ECE1: variants seen among roughly 807,000 people sequenced by gnomAD.
The protein encoded by ECE1 is endothelin-converting enzyme 1.
In ECE1, 35 loss-of-function variants were observed where a neutral mutation model predicts 98.6. The ratio of observed to expected loss-of-function variants is 0.35; its 90% CI spans 0.27 to 0.47. ECE1 has a LOEUF of 0.47. Among genes scored for constraint, ECE1 ranks in the 20% least tolerant of loss-of-function variants. ECE1 has a pLI of 1.00. For missense variants in ECE1, 814 were observed against 1,025.3 expected, an observed-to-expected ratio of 0.79 and a Z score of 2.81; for synonymous variants, 394 against 407.1, an observed-to-expected ratio of 0.97 and a Z score of 0.39.
At chr1:21,228,839 A>C (rs1023013922) in intron 14 of ECE1, among the ~76,000 whole-genome samples, 2 of 125,606 alleles carry the variant, frequency 1.6e-5, no homozygotes, top group African/African-American at 6.1e-5. Flanking sequence ...ACCACTGAAG[A>C]GTATCTTTTT....
chr1:21,333,626 A>C (rs898579440), intron 1 of ECE1, among the ~76,000 whole-genome samples: 4 of 152,168 alleles, frequency 2.6e-5, no homozygotes, highest in Non-Finnish European at 4.4e-5. Flanking sequence ...TGAGGTCAGG[A>C]GTTCGAGACC....
chr1:21,280,955 G>A (rs1184451589), intron 2 of ECE1, among the ~76,000 whole-genome samples: 1 of 152,174 alleles, frequency 6.6e-6, no homozygotes, highest in African/African-American at 2.4e-5. Context: ...TTAAAAGGCT[G>A]AAGTGGGAGG....
At chr1:21,312,015 G>T (rs213009) in intron 1 of ECE1, among the ~76,000 whole-genome samples, 15,672 of 150,794 alleles carry the variant, frequency 0.1, 1,057 homozygotes, top group East Asian at 0.37. Flanking sequence ...TCCAGCTACT[G>T]GGGAGGCTGA....
rs1402574104 is a variant in ECE1 at position 21,345,322 on chromosome 1, C to T, written c.3+54G>A. ...GGGTGCCACCCGCGGCACCGCTGCC[C>T]GCGACCGTCGAGGCTGGGCTGGACC... On this transcript the variant is annotated intron_variant, in intron 1 of 18. Coordinates refer to the ECE1 transcript ENST00000415912. The surrounding 1 kb of genome is among the most constrained non-coding windows in gnomAD (Gnocchi z 5.1). The T allele has an allele frequency of 4.5e-6, 6 of 1,346,458 alleles. No homozygotes were observed. The highest frequency in any genetic ancestry group is 5.8e-6 in the Non-Finnish European group (6 of 1,040,926). 83.4% of individuals were successfully genotyped at this position (1,346,458 alleles called of 1,614,324 possible). A position where few individuals can be genotyped will look rare whatever the true frequency, so the allele number is the denominator to read the frequency against.
rs373128627 is a variant in ECE1 at position 21,281,684 on chromosome 1, G to GTGTTT, written c.139-2357_139-2353dup. ...CAGGGCACAAGGAGGCCGTGAGACA[G>GTGTTT]TGTTTTGTTTTGTTTTGTTTTGTTT... On this transcript the variant is annotated intron_variant, in intron 2 of 18. Coordinates refer to ENST00000374893, the MANE Select transcript of ECE1 (RefSeq NM_001397.3). 7.3e-3 allele frequency among the ~76,000 whole-genome samples: 1,103 copies of GTGTTT among 151,994 alleles called. 12 individuals are homozygous for GTGTTT. Among genetic ancestry groups the GTGTTT allele is most frequent in the African/African-American group, 0.022 (924 of 41,450 alleles).
In ECE1 at chr1:21,333,467, G is replaced by A. The variant is rs74878077; in HGVS notation, c.3+11909C>T. 1.3e-3 allele frequency among the ~76,000 whole-genome samples: 205 copies of A among 152,268 alleles called. 1 individual carries two copies. Among genetic ancestry groups the A allele is most frequent in the African/African-American group, 4.6e-3 (193 of 41,546 alleles). ...ATTCTCATCTTCCCTCCCTAACCGC[G>A]TTCATCAGAAAACAGCATATGTGAG... On this transcript the variant is annotated intron_variant, in intron 1 of 18. Transcript: ENST00000415912.
At position 21,241,083 on chromosome 1, in the gene ECE1, A is replaced by G. The variant is rs545205893; in HGVS notation, c.1279-2839T>C. On this transcript the variant is annotated intron_variant, in intron 10 of 18. Transcript: ENST00000374893. ...TTGCACCATCCACAGCAGTAATCAC[A>G]GTGAAGTGTAGCAGTGGAGTGAGAG... Among the ~76,000 whole-genome samples, 170 of 152,346 alleles carry G rather than the reference A, an allele frequency of 1.1e-3. 1 individual carries two copies. The highest frequency in any genetic ancestry group is 3.9e-3 in the African/African-American group (162 of 41,576).
chr1:21,236,878 C>A, intron 11 of ECE1, 34 bp from the exon 12 acceptor site: 6 of 1,580,310 alleles, frequency 3.8e-6, no homozygotes, highest in Non-Finnish European at 5.2e-6. Context: ...GTAAGGTCTG[C>A]GCACTGGTCT....
At chr1:21,278,077 T>A (rs1311758931) in intron 3 of ECE1, among the ~76,000 whole-genome samples, 1 of 152,070 alleles carries the variant, frequency 6.6e-6, no homozygotes, top group East Asian at 1.9e-4. Flanking sequence ...AAGCTCCTAA[T>A]CTCTCTCATG....
intron 2 of ECE1, among the ~76,000 whole-genome samples, chr1:21,289,026 C>T (rs923109145): frequency 6.6e-6 from 1 of 152,158 alleles, no homozygotes; most frequent in Non-Finnish European, 1.5e-5. Flanking sequence ...TGTCTCCCTG[C>T]GCTGGGAGGA....
intron 1 of ECE1, among the ~76,000 whole-genome samples, chr1:21,321,614 G>A (rs1298164635): frequency 5.4e-5 from 8 of 149,362 alleles, no homozygotes; most frequent in Non-Finnish European, 1.0e-4. Context: ...ACACAGGATT[G>A]ATTGATTGAT....
intron 10 of ECE1, among the ~76,000 whole-genome samples, chr1:21,242,325 C>T (rs563602142): frequency 1.3e-5 from 2 of 152,222 alleles, no homozygotes; most frequent in African/African-American, 4.8e-5. Context: ...GATGAACAAA[C>T]GCACACACCA....
chr1:21,268,014 A>T (rs1181906089), intron 4 of ECE1, among the ~76,000 whole-genome samples: 3 of 152,186 alleles, frequency 2.0e-5, no homozygotes, highest in Non-Finnish European at 4.4e-5. Context: ...TGTCACAATG[A>T]GCACGCATTG....
chr1:21,303,014 C>A (rs115884883), intron 1 of ECE1, among the ~76,000 whole-genome samples: 1 of 152,208 alleles, frequency 6.6e-6, no homozygotes, highest in African/African-American at 2.4e-5. Context: ...GCTATTTCTG[C>A]CCCCACTTGC....
intron 1 of ECE1, among the ~76,000 whole-genome samples, chr1:21,336,416 C>T (rs1337340335): frequency 6.6e-6 from 1 of 151,986 alleles, no homozygotes; most frequent in South Asian, 2.1e-4. Flanking sequence ...TCACTGAGGC[C>T]GGGCGTGGTG....
chr1:21,302,880 C>T (rs1471397432), intron 1 of ECE1, among the ~76,000 whole-genome samples: 2 of 152,248 alleles, frequency 1.3e-5, no homozygotes, highest in Non-Finnish European at 2.9e-5. Flanking sequence ...AATGCCCCAG[C>T]TGTTGGCCCC....
intron 1 of ECE1, among the ~76,000 whole-genome samples, chr1:21,329,365 A>G (rs1639147027): frequency 6.6e-6 from 1 of 152,234 alleles, no homozygotes; most frequent in Non-Finnish European, 1.5e-5. Flanking sequence ...TTACCAGCAC[A>G]GAGGTGAGAC....
chr1:21,339,130 T>G (rs1639354298), intron 1 of ECE1, among the ~76,000 whole-genome samples: 2 of 151,980 alleles, frequency 1.3e-5, no homozygotes, highest in African/African-American at 4.8e-5. Flanking sequence ...GCTGGGGATC[T>G]CAGGGCGGGG....
Position 21,225,469 on chromosome 1 carries a change from A to G in ECE1, c.1850-29T>C. 1 of 1,610,956 alleles carries G rather than the reference A, an allele frequency of 6.2e-7. No homozygotes were observed. The highest frequency in any genetic ancestry group is 8.5e-7 in the Non-Finnish European group (1 of 1,178,762). ...TGGGTCAGAGGGAGGCGTCATGTCA[A>G]GGGAGGGAGGGGCACAGCAGGGACC... On this transcript the variant is annotated intron_variant, in intron 16 of 18. Transcript: ENST00000374893. This position sits in a 1 kb window ranked among gnomAD's most constrained non-coding sequence, Gnocchi z 5.3.
Sources: allele counts gnomAD v4.1 joint callset (sites outside exome capture counted in the v4.1 genomes callset), GRCh38; gene constraint gnomAD v4.1.1; non-coding constraint Gnocchi (gnomAD v3.1); transcripts MANE v1.5; gene names NCBI Gene and HGNC (gene_info 2026-07-23, HGNC 2026-07-21).